NBEA: variants seen among roughly 807,000 people sequenced by gnomAD.
The protein encoded by NBEA is neurobeachin.
In NBEA, 44 loss-of-function variants were observed where a neutral mutation model predicts 343.4. The observed-to-expected ratio is 0.13, with a 90% CI of 0.10 to 0.16. NBEA has a LOEUF of 0.16. Ranked by LOEUF, NBEA falls within the 10% of genes least tolerant of loss-of-function variation. The pLI, the probability that NBEA is intolerant of heterozygous loss-of-function variation, is 1.00. For synonymous variants in NBEA, 1,175 were observed against 1,238.7 expected, an observed-to-expected ratio of 0.95 and a Z score of 1.08; for missense variants, 2,555 against 3,631.3, an observed-to-expected ratio of 0.70 and a Z score of 7.62.
chr13:35,237,518 A>G (rs1275860645), intron 34 of NBEA, among the ~76,000 whole-genome samples: 2 of 152,178 alleles, frequency 1.3e-5, no homozygotes, highest in African/African-American at 4.8e-5. Context: ...AAGAAAATGT[A>G]TCAAAGCATT....
intron 36 of NBEA, among the ~76,000 whole-genome samples, chr13:35,337,353 A>T (rs2039324968): frequency 6.6e-6 from 1 of 152,154 alleles, no homozygotes; most frequent in Non-Finnish European, 1.5e-5. Flanking sequence ...AGAACGGATG[A>T]CTATGCTAAT....
At chr13:35,640,367 T>C (rs534612952) in intron 49 of NBEA, among the ~76,000 whole-genome samples, 119 of 152,284 alleles carry the variant, frequency 7.8e-4, no homozygotes, top group Non-Finnish European at 1.5e-3. Context: ...TGTGCACACT[T>C]TAGAGGACAC....
At chr13:35,376,065 C>A (rs1375550009) in intron 38 of NBEA, among the ~76,000 whole-genome samples, 1 of 151,992 alleles carries the variant, frequency 6.6e-6, no homozygotes, top group Non-Finnish European at 1.5e-5. Context: ...TTATTCTTTA[C>A]TTTTGCTTTT....
intron 36 of NBEA, among the ~76,000 whole-genome samples, chr13:35,325,468 G>A (rs561537516): frequency 3.2e-4 from 49 of 152,014 alleles, no homozygotes; most frequent in Non-Finnish European, 5.5e-4. Context: ...AAGTCTTCCA[G>A]AAATAGAAGA....
intron 23 of NBEA, among the ~76,000 whole-genome samples, chr13:35,162,636 C>A (rs1441629665): frequency 6.6e-6 from 1 of 151,822 alleles, no homozygotes; most frequent in South Asian, 2.1e-4. Context: ...TTAAAGGAAG[C>A]CCGTCAAGAA....
chr13:35,396,578 C>T (rs2042755350), intron 38 of NBEA, among the ~76,000 whole-genome samples: 1 of 152,054 alleles, frequency 6.6e-6, no homozygotes. Flanking sequence ...GCTTATCAGA[C>T]AGGGTCTTAG....
intron 38 of NBEA, among the ~76,000 whole-genome samples, chr13:35,376,452 ATATAAT>A (rs373891917): frequency 4.0e-4 from 61 of 152,330 alleles, no homozygotes; most frequent in African/African-American, 1.4e-3. Context: ...TTAAACTAAA[ATATAAT>A]TATAGTGTTA....
rs926122448 is a variant in NBEA at position 35,233,535 on chromosome 13, A to G, written c.5776+916A>G. On this transcript the variant is annotated intron_variant, in intron 34 of 58. Transcript: ENST00000379939. ...CACTTTGTATCTTAGTTTCCTTTCT[A>G]TAAATTGGAGTCAGTGATACAGCAC... Among the ~76,000 whole-genome samples the G allele has an allele frequency of 1.2e-4, 19 of 152,218 alleles. No individual in the cohort carries two copies. In the South Asian group the frequency reaches 3.9e-3, roughly 32 times the overall value.
chr13:35,489,451 G>T (rs2076425104), intron 41 of NBEA, among the ~76,000 whole-genome samples: 1 of 151,810 alleles, frequency 6.6e-6, no homozygotes, highest in Admixed American at 6.6e-5. Context: ...AACTAATGAA[G>T]CCTGGAATAC....
intron 40 of NBEA, among the ~76,000 whole-genome samples, chr13:35,469,389 T>G (rs1279862388): frequency 5.9e-5 from 9 of 152,160 alleles, no homozygotes; most frequent in Non-Finnish European, 1.3e-4. Flanking sequence ...CGGTTTTTGT[T>G]CTAGTTCAGA....
intron 1 of NBEA, among the ~76,000 whole-genome samples, chr13:35,007,457 A>G (rs1420107535): frequency 6.6e-6 from 1 of 152,024 alleles, no homozygotes; most frequent in Non-Finnish European, 1.5e-5. Context: ...ATACTCTTCT[A>G]TGGTTTTTTG....
intron 30 of NBEA, among the ~76,000 whole-genome samples, chr13:35,193,469 A>G (rs1351025716): frequency 1.3e-5 from 2 of 151,842 alleles, no homozygotes; most frequent in South Asian, 2.1e-4. Context: ...TTTCTCAGTT[A>G]GTGACGTATT....
chr13:35,625,667 A>G (rs1344282813), intron 48 of NBEA, among the ~76,000 whole-genome samples: 2 of 151,950 alleles, frequency 1.3e-5, no homozygotes, highest in Non-Finnish European at 2.9e-5. Flanking sequence ...TCAACAATAT[A>G]AAGACAAGAA....
chr13:35,559,290 A>G (rs2079739537), intron 44 of NBEA, among the ~76,000 whole-genome samples: 1 of 152,182 alleles, frequency 6.6e-6, no homozygotes, highest in Non-Finnish European at 1.5e-5. Context: ...TGATCCTAAA[A>G]TAAAGGGTGC....
At chr13:35,194,498 CT>C (rs2072437141) in intron 30 of NBEA, among the ~76,000 whole-genome samples, 1 of 152,058 alleles carries the variant, frequency 6.6e-6, no homozygotes, top group Non-Finnish European at 1.5e-5. Flanking sequence ...ATAATTTAGT[CT>C]GTGCTTCTCA....
chr13:35,523,885 G>T (rs1175653625), intron 41 of NBEA, among the ~76,000 whole-genome samples: 1 of 150,916 alleles, frequency 6.6e-6, no homozygotes, highest in Non-Finnish European at 1.5e-5. Flanking sequence ...TTTTTCCTTT[G>T]ATTTTTTTTC....
At chr13:35,662,398 C>T (rs2085139929) in intron 55 of NBEA, among the ~76,000 whole-genome samples, 1 of 152,154 alleles carries the variant, frequency 6.6e-6, no homozygotes, top group South Asian at 2.1e-4. Context: ...TAACCCTGGG[C>T]TACATCCATC....
chr13:35,321,204 T>C (rs921237298), intron 36 of NBEA, among the ~76,000 whole-genome samples: 2 of 152,170 alleles, frequency 1.3e-5, no homozygotes, highest in Non-Finnish European at 2.9e-5. Flanking sequence ...CTTTTTCAGC[T>C]GGTTTTTCCT....
chr13:35,281,334 G>T (rs1020911192), intron 34 of NBEA, among the ~76,000 whole-genome samples: 2 of 152,186 alleles, frequency 1.3e-5, no homozygotes, highest in East Asian at 3.9e-4. Flanking sequence ...TGGAGGATTC[G>T]TAAGAAAATT....
Sources: allele counts gnomAD v4.1 joint callset (sites outside exome capture counted in the v4.1 genomes callset), GRCh38; gene constraint gnomAD v4.1.1; transcripts MANE v1.5; gene names NCBI Gene and HGNC (gene_info 2026-07-23, HGNC 2026-07-21).